PUDP: variants seen among roughly 807,000 people sequenced by gnomAD.
PUDP encodes pseudouridine 5'-phosphatase, also known as pseudouridine-5'-phosphatase.
In PUDP, 8 loss-of-function variants were observed where a neutral mutation model predicts 9.4. The ratio of observed to expected loss-of-function variants is 0.85; its 90% CI spans 0.50 to 1.53. The LOEUF (loss-of-function observed/expected upper bound fraction) is 1.53. PUDP is among the 40% of genes most tolerant of loss of function. The pLI is 0.00. For synonymous variants in PUDP, 99 were observed against 80.7 expected, an observed-to-expected ratio of 1.23 and a Z score of -1.22; for missense variants, 188 against 189.7, an observed-to-expected ratio of 0.99 and a Z score of 0.05.
intron 3 of PUDP, among the ~76,000 whole-genome samples, chrX:6,768,596 T>C (rs1925315445): frequency 9.0e-6 from 1 of 111,331 alleles, no homozygotes; most frequent in South Asian, 3.8e-4. Flanking sequence ...ATATTAAAAA[T>C]TGCAAGATCC....
intron 1 of PUDP, among the ~76,000 whole-genome samples, chrX:7,012,370 G>T (rs1218156074): frequency 1.8e-5 from 2 of 112,341 alleles, no homozygotes; most frequent in African/African-American, 6.5e-5. Flanking sequence ...CTCTTCTAAA[G>T]CCTCATATCT....
rs6982 is a variant in PUDP, at chrX:7,049,134, G to A, written c.*1162C>T. 36,967 of 110,477 alleles carry A rather than the reference G, an allele frequency of 0.33. 4,723 individuals carry two copies. Among genetic ancestry groups the A allele is most frequent in the Middle Eastern group, 0.48 (103 of 215 alleles). The allele number at this position is 110,477 out of a possible 1,213,427, so 9.1% of individuals were successfully genotyped here. A position where few individuals can be genotyped will look rare whatever the true frequency, so the allele number is the denominator to read the frequency against. On this transcript the variant is annotated 3_prime_UTR_variant, in exon 4 of 4. Transcript: ENST00000381077. ...ACCACACGCACACATACATTCCTAC[G>A]GTTTGTCCACAACTTCCAGAGCTGA...
At chrX:7,080,751 C>T (rs1931056022) in intron 2 of PUDP, among the ~76,000 whole-genome samples, 2 of 110,729 alleles carry the variant, frequency 1.8e-5, no homozygotes, top group South Asian at 3.8e-4. Context: ...AGATAAAAGG[C>T]TCTAATTTTT....
chrX:7,140,739 T>C (rs1325182856), intron 1 of PUDP, among the ~76,000 whole-genome samples: 4 of 112,041 alleles, frequency 3.6e-5, no homozygotes, highest in South Asian at 3.7e-4. Context: ...TCTTATTTTA[T>C]TGTGCTTCAT....
At chrX:6,879,946 TTA>T (rs1168602342) in intron 3 of PUDP, among the ~76,000 whole-genome samples, 1 of 110,571 alleles carries the variant, frequency 9.0e-6, no homozygotes, top group Admixed American at 9.7e-5. Flanking sequence ...TAACTCCCCC[TTA>T]TCTCAAGATG....
chrX:7,098,815 GAGCCTGGT>G (rs769457063), intron 2 of PUDP, among the ~76,000 whole-genome samples: 68 of 108,489 alleles, frequency 6.3e-4, no homozygotes, highest in Middle Eastern at 4.7e-3. Flanking sequence ...TAACACCAGA[GAGCCTGGT>G]GCAGGCGGTA....
chrX:7,053,544 G>A (rs547927052), intron 3 of PUDP, among the ~76,000 whole-genome samples: 14 of 111,737 alleles, frequency 1.3e-4, no homozygotes, highest in East Asian at 2.8e-4. Context: ...AACCCCTTTC[G>A]CTTGGCTCTT....
At chrX:6,957,180 G>T (rs959740407) in intron 3 of PUDP, among the ~76,000 whole-genome samples, 10 of 111,451 alleles carry the variant, frequency 9.0e-5, no homozygotes, top group Non-Finnish European at 1.7e-4. Flanking sequence ...TAAGGTTAAA[G>T]AGAGCTAGAT....
At position 6,842,000 on chromosome X, in the gene PUDP, C is replaced by T. The variant is rs761158174; in HGVS notation, c.*247+135133G>A. ...TGTGTGCTGTTGCATGTGTGTGCTG[C>T]GCATGTTGAACTGTGTATATGCTGT... On this transcript the variant is annotated intron_variant and NMD_transcript_variant, in intron 3 of 3. Transcript: ENST00000655425. 5.4e-5 allele frequency among the ~76,000 whole-genome samples: 6 copies of T among 110,932 alleles called. No homozygotes were observed. In the East Asian group the frequency reaches 8.5e-4, roughly 16 times the overall value.
In PUDP at chrX:7,002,872, CCT is replaced by C. The variant is rs201919084; in HGVS notation, c.205-24531_205-24530del. Among the ~76,000 whole-genome samples, 54 of 110,115 alleles carry C rather than the reference CCT, an allele frequency of 4.9e-4. No individual in the cohort carries two copies. In the East Asian group the frequency reaches 0.015, roughly 31 times the overall value. ...GGAATACAGACACTCTCCCTCATCC[CCT>C]GTGAAGGGGCTCAGCTGAAACCCAC... On this transcript the variant is annotated intron_variant and NMD_transcript_variant, in intron 1 of 3. Transcript: ENST00000655425.
intron 3 of PUDP, among the ~76,000 whole-genome samples, chrX:6,800,491 T>C: frequency 8.9e-6 from 1 of 112,045 alleles, no homozygotes; most frequent in Admixed American, 9.5e-5. Context: ...AAAGTGTTTG[T>C]TCCTCTGATT....
At chrX:7,009,144 T>C (rs1231908804) in intron 1 of PUDP, among the ~76,000 whole-genome samples, 1 of 112,616 alleles carries the variant, frequency 8.9e-6, no homozygotes, top group African/African-American at 3.2e-5. Context: ...AAATATCTAC[T>C]ACAGATAGAA....
intron 3 of PUDP, among the ~76,000 whole-genome samples, chrX:6,893,851 A>G (rs1040130264): frequency 8.9e-6 from 1 of 111,814 alleles, no homozygotes; most frequent in Non-Finnish European, 1.9e-5. Flanking sequence ...ATCAACCCAA[A>G]TGCCTGTCAG....
intron 1 of PUDP, among the ~76,000 whole-genome samples, chrX:7,146,573 T>A (rs1351011603): frequency 9.2e-6 from 1 of 108,166 alleles, no homozygotes; most frequent in Admixed American, 9.8e-5. Flanking sequence ...TCTACGGGGA[T>A]TTTTTTTTTC....
chrX:7,104,007 T>C (rs754805053), intron 2 of PUDP, among the ~76,000 whole-genome samples: 1 of 112,190 alleles, frequency 8.9e-6, no homozygotes, highest in Non-Finnish European at 1.9e-5. Flanking sequence ...CAAAAATTAA[T>C]AATAAAATTA....
intron 3 of PUDP, among the ~76,000 whole-genome samples, chrX:6,832,376 T>C (rs1420752384): frequency 1.8e-5 from 2 of 112,248 alleles, no homozygotes; most frequent in African/African-American, 6.5e-5. Context: ...TCCTCTACTT[T>C]GGACCTACAA....
chrX:6,891,852 T>C (rs1422237786), intron 3 of PUDP, among the ~76,000 whole-genome samples: 1 of 112,109 alleles, frequency 8.9e-6, no homozygotes, highest in East Asian at 2.8e-4. Context: ...TCAGAGGTCC[T>C]ATGGTCCAAG....
At chrX:6,738,344 TTA>T (rs1924897903) in intron 3 of PUDP, among the ~76,000 whole-genome samples, 1 of 111,348 alleles carries the variant, frequency 9.0e-6, no homozygotes, top group Non-Finnish European at 1.9e-5. Flanking sequence ...TTGTGAAGCT[TTA>T]TTGGAACTCT....
chrX:6,955,912 A>C (rs1928620633), intron 3 of PUDP, among the ~76,000 whole-genome samples: 1 of 112,342 alleles, frequency 8.9e-6, no homozygotes, highest in Non-Finnish European at 1.9e-5. Flanking sequence ...ATAATTAGCT[A>C]CTTGTGTAGA....
Sources: gnomAD v4.1 joint callset for allele counts (sites outside exome capture counted in the v4.1 genomes callset) on GRCh38, gnomAD v4.1.1 for gene constraint, MANE v1.5 for transcripts, NCBI Gene and HGNC (gene_info 2026-07-23, HGNC 2026-07-21) for gene names.